The following PKHD1 variants were observed in gnomAD, a reference collection of about 807,000 sequenced individuals.
The protein encoded by PKHD1 is fibrocystin.
A neutral mutation model predicts 412.0 loss-of-function variants in PKHD1; 291 were observed. The ratio of observed to expected loss-of-function variants is 0.71; its 90% CI spans 0.64 to 0.78. The LOEUF (loss-of-function observed/expected upper bound fraction) is 0.78. Ranked by LOEUF, PKHD1 falls within the 30% of genes least tolerant of loss-of-function variation. The pLI is 0.00. For synonymous variants in PKHD1, 1,777 were observed against 1,821.5 expected (o/e 0.98, Z 0.62); for missense variants, 4,825 against 4,950.7 (o/e 0.97, Z 0.76).
rs754306902 is a variant in PKHD1, at chr6:52,076,268, T to A, written c.448+8A>T. 2.5e-6 allele frequency: 4 copies of A among 1,594,862 alleles called. No homozygotes were observed. In the East Asian group the frequency reaches 8.9e-5, roughly 36 times the overall value. Reference sequence around the variant, plus strand: ...CAATTATTCCTATTTTAATAGAAGATTTCTTACCTGGAACACCACTTGGTG... The same window carrying A: ...CAATTATTCCTATTTTAATAGAAGAATTCTTACCTGGAACACCACTTGGTG... On this transcript the variant is annotated splice_region_variant and intron_variant, in intron 6 of 66. Coordinates refer to ENST00000371117, the MANE Select transcript of PKHD1 (RefSeq NM_138694.4).
intron 35 of PKHD1, among the ~76,000 whole-genome samples, chr6:52,007,549 G>A (rs544526999): frequency 1.3e-5 from 2 of 152,288 alleles, no homozygotes; most frequent in South Asian, 4.1e-4. Context: ...AAGTTGTTCT[G>A]TTCCCAAGCC....
chr6:51,944,830 T>C (rs1465618428), intron 36 of PKHD1, among the ~76,000 whole-genome samples: 1 of 152,222 alleles, frequency 6.6e-6, no homozygotes, highest in Non-Finnish European at 1.5e-5. Context: ...ATCTACAACC[T>C]GCTCAATTTC....
chr6:51,674,428 C>T (rs1169859832), intron 60 of PKHD1, among the ~76,000 whole-genome samples: 3 of 152,118 alleles, frequency 2.0e-5, no homozygotes, highest in Non-Finnish European at 2.9e-5. Context: ...CTTCTTCCTT[C>T]TTCAATTCTT....
intron 50 of PKHD1, among the ~76,000 whole-genome samples, chr6:51,843,342 G>A (rs995122568): frequency 2.6e-5 from 4 of 152,246 alleles, no homozygotes; most frequent in Non-Finnish European, 5.9e-5. Context: ...GCTGAGACTC[G>A]ATGTAGGCCT....
chr6:52,043,548 C>T (rs1350643201), intron 26 of PKHD1, 77 bp downstream of exon 26: 1 of 981,332 alleles, frequency 1.0e-6, no homozygotes, highest in African/African-American at 1.6e-5. Context: ...CCACCCATCA[C>T]CAGCTACATG....
At chr6:51,882,391 T>C (rs1262689555) in intron 46 of PKHD1, among the ~76,000 whole-genome samples, 1 of 152,210 alleles carries the variant, frequency 6.6e-6, no homozygotes, top group Non-Finnish European at 1.5e-5. Flanking sequence ...TTTTTATCTA[T>C]AGCTGTGAAA....
chr6:51,887,717 G>A (rs1778443579), intron 43 of PKHD1, among the ~76,000 whole-genome samples: 1 of 152,136 alleles, frequency 6.6e-6, no homozygotes, highest in African/African-American at 2.4e-5. Context: ...TGAGACCTGA[G>A]ACCTCCCCAG....
At chr6:51,743,861 G>C (rs934339650) in intron 60 of PKHD1, among the ~76,000 whole-genome samples, 6 of 152,132 alleles carry the variant, frequency 3.9e-5, no homozygotes, top group African/African-American at 7.2e-5. Context: ...GACATAAAAG[G>C]GTGCTTTGTT....
intron 53 of PKHD1, among the ~76,000 whole-genome samples, 190 bp from the exon 54 acceptor site, chr6:51,776,111 A>G (rs781183687): frequency 6.6e-6 from 1 of 152,020 alleles, no homozygotes; most frequent in African/African-American, 2.4e-5. Context: ...AAGGAGACTC[A>G]TGTATTATTC....
intron 52 of PKHD1, among the ~76,000 whole-genome samples, chr6:51,801,085 C>T (rs1762842894): frequency 6.6e-6 from 1 of 152,134 alleles, no homozygotes; most frequent in Non-Finnish European, 1.5e-5. Context: ...ATATTTTTAG[C>T]TCCAAAGTGA....
chr6:51,863,095 C>A (rs932600319), intron 48 of PKHD1, among the ~76,000 whole-genome samples: 1 of 152,090 alleles, frequency 6.6e-6, no homozygotes, highest in Non-Finnish European at 1.5e-5. Flanking sequence ...TACCATTATA[C>A]CCATTTTAGT....
At chr6:51,857,218 A>AC (rs11377301) in intron 48 of PKHD1, among the ~76,000 whole-genome samples, 6,294 of 152,278 alleles carry the variant, frequency 0.041, 363 homozygotes, top group African/African-American at 0.12. Flanking sequence ...ATCCAAAAAA[A>AC]AAAAAAATCA....
At chr6:51,774,918 T>G (rs1790748914) in intron 54 of PKHD1, among the ~76,000 whole-genome samples, 1 of 151,798 alleles carries the variant, frequency 6.6e-6, no homozygotes, top group African/African-American at 2.4e-5. Flanking sequence ...TTAGTTAATT[T>G]TTTTCTCACT....
At chr6:51,998,813 G>C (rs538560684) in intron 35 of PKHD1, among the ~76,000 whole-genome samples, 118 of 152,020 alleles carry the variant, frequency 7.8e-4, no homozygotes, top group Non-Finnish European at 1.4e-3. Context: ...ATCCATTGGT[G>C]TGTATTTTAT....
In PKHD1 at chr6:51,619,405, C is replaced by T. The variant is rs751385266; in HGVS notation, c.11901G>A (p.Val3967=). ...RHIVREEEAA[V]PAPGTTGITS... ...TGATGCCAGTAGTACCAGGAGCAGG[C>T]ACAGCAGCCTCTTCCTCTCGGACAA... Residue 3967 remains valine (V), a synonymous_variant, in exon 67 of 67, where the codon GTG becomes GTA. Transcript: ENST00000371117. 2 of 1,613,608 alleles carry T rather than the reference C, an allele frequency of 1.2e-6. No individual in the cohort carries two copies. The highest frequency in any genetic ancestry group is 1.7e-6 in the Non-Finnish European group (2 of 1,179,532).
chr6:51,981,306 T>C (rs1398346963), intron 35 of PKHD1, among the ~76,000 whole-genome samples: 1 of 31,784 alleles, frequency 3.1e-5, no homozygotes, highest in African/African-American at 6.3e-5. Context: ...GCTCCAAAGC[T>C]CAAGCTCTCC....
At chr6:51,739,517 C>A (rs1341557983) in intron 60 of PKHD1, among the ~76,000 whole-genome samples, 2 of 152,180 alleles carry the variant, frequency 1.3e-5, no homozygotes, top group Admixed American at 6.5e-5. Flanking sequence ...AGGCATGAGC[C>A]ACAGATCCCA....
intron 36 of PKHD1, among the ~76,000 whole-genome samples, chr6:51,950,718 G>A (rs1333851576): frequency 6.6e-6 from 1 of 152,152 alleles, no homozygotes; most frequent in African/African-American, 2.4e-5. Flanking sequence ...CCGTAGGCTG[G>A]TGATGTTTGG....
intron 52 of PKHD1, among the ~76,000 whole-genome samples, chr6:51,792,346 T>C (rs1793887603): frequency 6.6e-6 from 1 of 152,216 alleles, no homozygotes; most frequent in South Asian, 2.1e-4. Context: ...CATGTAAAGA[T>C]TTATAAGGAA....
Sources: allele counts gnomAD v4.1 joint callset (sites outside exome capture counted in the v4.1 genomes callset), GRCh38; gene constraint gnomAD v4.1.1; transcripts MANE v1.5; gene names NCBI Gene and HGNC (gene_info 2026-07-23, HGNC 2026-07-21).